SGIP1: variants seen among roughly 807,000 people sequenced by gnomAD.
SGIP1 encodes SH3-containing GRB2-like protein 3-interacting protein 1.
Under a neutral mutation model 107.5 loss-of-function variants are expected in SGIP1, and 38 were observed. That is an observed-to-expected ratio of 0.35 (90% CI 0.27 to 0.46). The LOEUF is 0.46. Ranked by LOEUF, SGIP1 falls within the 20% of genes least tolerant of loss-of-function variation. The pLI is 1.00. For synonymous variants in SGIP1, 365 were observed against 366.1 expected, an observed-to-expected ratio of 1.00 and a Z score of 0.03; for missense variants, 929 against 1,019.5, an observed-to-expected ratio of 0.91 and a Z score of 1.21.
intron 1 of SGIP1, among the ~76,000 whole-genome samples, chr1:66,596,788 T>C (rs2064802041): frequency 6.6e-6 from 1 of 152,002 alleles, no homozygotes; most frequent in Non-Finnish European, 1.5e-5. Context: ...CTATTATTTC[T>C]TACAACTACA....
chr1:66,677,626 G>A (rs1468079013), intron 13 of SGIP1, among the ~76,000 whole-genome samples: 1 of 152,190 alleles, frequency 6.6e-6, no homozygotes, highest in African/African-American at 2.4e-5. Flanking sequence ...CCATCAGTCT[G>A]GCTTCTTCCA....
intron 18 of SGIP1, among the ~76,000 whole-genome samples, chr1:66,703,874 CTGTG>C (rs535613429): frequency 2.8e-5 from 4 of 142,058 alleles, no homozygotes; most frequent in African/African-American, 5.1e-5. Context: ...AAAAAGAACT[CTGTG>C]TGTGTGTGTG....
chr1:66,661,841 C>T (rs916282653), intron 8 of SGIP1, among the ~76,000 whole-genome samples: 2 of 152,116 alleles, frequency 1.3e-5, no homozygotes, highest in Non-Finnish European at 2.9e-5. Context: ...TTGTCCTTCA[C>T]GGCAATTTTA....
intron 7 of SGIP1, among the ~76,000 whole-genome samples, chr1:66,654,619 CT>C (rs1468778938): frequency 1.3e-5 from 2 of 152,012 alleles, no homozygotes; most frequent in African/African-American, 2.4e-5. Context: ...AGTAAATGTA[CT>C]TTTTATTGTT....
At position 66,750,036 on chromosome 1, in the gene SGIP1, GGT is replaced by G. The variant is rs1197339481; in HGVS notation, c.*6972_*6973del. Among the ~76,000 whole-genome samples, 2,832 of 119,082 alleles carry G rather than the reference GGT, an allele frequency of 0.024. 81 individuals carry two copies. The highest frequency in any genetic ancestry group is 0.08 in the African/African-American group (2,507 of 31,512). The allele number at this position is 119,082 out of a possible 152,430, so 78.1% of individuals were successfully genotyped here. ...CTCTCTTTCTCTGTGTGTGTGTGGG[GGT>G]GTGTGTGTGTGTGTGTGTGTGTGTG... On this transcript the variant is annotated 3_prime_UTR_variant, in exon 25 of 25. Coordinates refer to ENST00000371037, the MANE Select transcript of SGIP1 (RefSeq NM_032291.4).
intron 1 of SGIP1, among the ~76,000 whole-genome samples, chr1:66,539,396 A>G (rs1471054473): frequency 6.6e-6 from 1 of 152,158 alleles, no homozygotes; most frequent in Non-Finnish European, 1.5e-5. Flanking sequence ...GTGTATTTAG[A>G]CTTGGGAAGC....
In SGIP1 at chr1:66,750,942, T is replaced by C. The variant is rs1332543557; in HGVS notation, c.*7847T>C. 6.6e-6 allele frequency among the ~76,000 whole-genome samples: 1 copy of C among 152,258 alleles called. No individual in the cohort carries two copies. The highest frequency in any genetic ancestry group is 2.4e-5 in the African/African-American group (1 of 41,472). ...CTTTGTAAATAATAATTTTTGTAAA[T>C]GTTTTTTGTTCATAATTTTCCCAAT... On this transcript the variant is annotated 3_prime_UTR_variant, in exon 25 of 25. Coordinates refer to ENST00000371037, the MANE Select transcript of SGIP1 (RefSeq NM_032291.4).
At chr1:66,663,920 G>A (rs978774892) in intron 8 of SGIP1, among the ~76,000 whole-genome samples, 7 of 152,164 alleles carry the variant, frequency 4.6e-5, no homozygotes, top group South Asian at 4.2e-4. Context: ...GCAAAAAACC[G>A]CAATTACTTT....
chr1:66,716,079 G>A (rs563796127), intron 18 of SGIP1, among the ~76,000 whole-genome samples: 1 of 152,214 alleles, frequency 6.6e-6, no homozygotes, highest in Non-Finnish European at 1.5e-5. Context: ...GATAACAAGT[G>A]TCAGAGACAG....
intron 1 of SGIP1, among the ~76,000 whole-genome samples, chr1:66,578,494 A>G (rs1281753790): frequency 6.6e-6 from 1 of 152,216 alleles, no homozygotes; most frequent in African/African-American, 2.4e-5. Flanking sequence ...AATTTCACAT[A>G]GCCCATCCCT....
At chr1:66,717,989 G>C (rs1298445186) in intron 18 of SGIP1, among the ~76,000 whole-genome samples, 1 of 152,092 alleles carries the variant, frequency 6.6e-6, no homozygotes, top group East Asian at 1.9e-4. Context: ...ATACATAGTA[G>C]ATATTAGATA....
At chr1:66,690,142 A>G (rs1055141489) in intron 16 of SGIP1, 48 bp from the exon 17 acceptor site, 2 of 1,605,112 alleles carry the variant, frequency 1.2e-6, no homozygotes, top group African/African-American at 2.7e-5. Context: ...GAGCAAAAAT[A>G]CTGCAACCTG....
intron 17 of SGIP1, 23 bp from the exon 18 acceptor site, chr1:66,695,411 C>G: frequency 1.9e-6 from 3 of 1,614,050 alleles, no homozygotes; most frequent in Non-Finnish European, 2.5e-6. Context: ...CTTCCCATCC[C>G]GCTTCAACTC....
At chr1:66,568,253 C>T (rs1354990142) in intron 1 of SGIP1, among the ~76,000 whole-genome samples, 1 of 151,938 alleles carries the variant, frequency 6.6e-6, no homozygotes, top group Non-Finnish European at 1.5e-5. Context: ...GGTTTTTATT[C>T]TCTTTTTGCC....
intron 20 of SGIP1, among the ~76,000 whole-genome samples, chr1:66,731,316 A>G (rs1368986956): frequency 6.6e-6 from 1 of 152,170 alleles, no homozygotes; most frequent in East Asian, 1.9e-4. Context: ...TTATGTGCCA[A>G]TATCTTGCCA....
intron 4 of SGIP1, among the ~76,000 whole-genome samples, chr1:66,638,844 T>G (rs765721803): frequency 6.6e-6 from 1 of 152,206 alleles, no homozygotes; most frequent in Non-Finnish European, 1.5e-5. Flanking sequence ...CCAAGCCTCA[T>G]GCGTCACCAT....
chr1:66,736,214 A>G (rs1019865367), intron 21 of SGIP1, among the ~76,000 whole-genome samples: 2 of 145,706 alleles, frequency 1.4e-5, no homozygotes, highest in Non-Finnish European at 3.0e-5. Flanking sequence ...AAATATAAAT[A>G]TTTATACAAA....
chr1:66,559,204 G>A (rs2058598006), intron 1 of SGIP1, among the ~76,000 whole-genome samples: 2 of 152,024 alleles, frequency 1.3e-5, no homozygotes, highest in African/African-American at 4.8e-5. Context: ...AAGGTCAGGG[G>A]TGGGGTTTGT....
chr1:66,594,557 GT>G (rs1444414145), intron 1 of SGIP1, among the ~76,000 whole-genome samples: 1 of 152,146 alleles, frequency 6.6e-6, no homozygotes, highest in Non-Finnish European at 1.5e-5. Context: ...CAGGTACTTG[GT>G]TTTGCCAGTG....
Sources: gnomAD v4.1 joint callset for allele counts (sites outside exome capture counted in the v4.1 genomes callset) on GRCh38, gnomAD v4.1.1 for gene constraint, MANE v1.5 for transcripts, NCBI Gene and HGNC (gene_info 2026-07-23, HGNC 2026-07-21) for gene names.